Variants in SGIP1 observed in about 807,000 individuals in gnomAD.
SGIP1 encodes SH3-containing GRB2-like protein 3-interacting protein 1.
SGIP1 carries 38 observed loss-of-function variants against 107.5 expected under a neutral mutation model. The ratio of observed to expected loss-of-function variants is 0.35; its 90% confidence interval spans 0.27 to 0.46. SGIP1 has a LOEUF of 0.46. Among genes scored for constraint, SGIP1 ranks in the 20% least tolerant of loss-of-function variants. The pLI is 1.00. For missense variants in SGIP1, 929 were observed against 1,019.5 expected, an observed-to-expected ratio of 0.91 and a Z score of 1.21; for synonymous variants, 365 against 366.1, an observed-to-expected ratio of 1.00 and a Z score of 0.03.
intron 21 of SGIP1, among the ~76,000 whole-genome samples, chr1:66,737,814 TTTG>T (rs1241616310): frequency 6.6e-6 from 1 of 152,226 alleles, no homozygotes; most frequent in Non-Finnish European, 1.5e-5. Context: ...TAGCTGTGTT[TTTG>T]TTGTTGTTTT....
intron 1 of SGIP1, among the ~76,000 whole-genome samples, chr1:66,598,013 C>T (rs1426926072): frequency 6.6e-6 from 1 of 151,934 alleles, no homozygotes; most frequent in East Asian, 1.9e-4. Context: ...ACACAACTGG[C>T]CAGCATGGAG....
chr1:66,654,429 A>C (rs1167828888), intron 7 of SGIP1, among the ~76,000 whole-genome samples: 1 of 152,128 alleles, frequency 6.6e-6, no homozygotes. Context: ...AGTTGTCTTC[A>C]ACCTTGAGGG....
At chr1:66,740,836 C>A (rs2094426578) in intron 23 of SGIP1, 114 bp downstream of exon 23, 2 of 677,018 alleles carry the variant, frequency 3.0e-6, no homozygotes, top group African/African-American at 3.7e-5. Flanking sequence ...TATTTCACTC[C>A]ATTTTTGCGT....
intron 1 of SGIP1, among the ~76,000 whole-genome samples, chr1:66,539,660 C>A (rs1418422896): frequency 1.3e-5 from 2 of 152,192 alleles, no homozygotes; most frequent in Non-Finnish European, 2.9e-5. Context: ...ACACTGCCTG[C>A]CTCCTCATGT....
intron 1 of SGIP1, among the ~76,000 whole-genome samples, chr1:66,534,708 A>T (rs1340123998): frequency 6.6e-6 from 1 of 152,246 alleles, no homozygotes; most frequent in Admixed American, 6.5e-5. Context: ...TCCTGGGACT[A>T]CACTGATTAA....
intron 18 of SGIP1, among the ~76,000 whole-genome samples, chr1:66,712,801 G>A (rs2093002109): frequency 1.3e-5 from 2 of 152,110 alleles, no homozygotes; most frequent in African/African-American, 4.8e-5. Context: ...GTACATCTGT[G>A]TGACCTTGCT....
intron 1 of SGIP1, among the ~76,000 whole-genome samples, chr1:66,536,039 T>C (rs2053526551): frequency 6.6e-6 from 1 of 152,246 alleles, no homozygotes; most frequent in African/African-American, 2.4e-5. Flanking sequence ...GTAACGTTTT[T>C]TGATGCTCAT....
chr1:66,719,298 T>C lies in SGIP1; in HGVS notation c.1635T>C (p.Ser545=), dbSNP rs1205044887. ...AAAATTTTTCATTTCATGCAGGTTCTTCCAGGGGACCCAGCCCCCTAACCA... is the reference window on the plus strand; with the variant it reads ...AAAATTTTTCATTTCATGCAGGTTCCTCCAGGGGACCCAGCCCCCTAACCA... ...RGKFYLTFEG[S]SRGPSPLTMG... is the part of the protein sequence containing the mutation. The change falls in exon 19 of 25, where the codon TCT becomes TCC. Residue 545 remains serine (S), a synonymous_variant. Transcript: ENST00000371037. 3.1e-6 allele frequency: 5 copies of C among 1,608,418 alleles called. No homozygotes were observed. In the East Asian group the frequency reaches 8.9e-5, roughly 29 times the overall value.
chr1:66,559,983 G>T, intron 1 of SGIP1, among the ~76,000 whole-genome samples: 1 of 152,060 alleles, frequency 6.6e-6, no homozygotes, highest in East Asian at 1.9e-4. Context: ...ATAACTGAGG[G>T]GAGAGAGAAT....
chr1:66,574,805 C>T lies in SGIP1; in HGVS notation c.10+40437C>T, dbSNP rs76959543. Among the ~76,000 whole-genome samples the T allele has an allele frequency of 9.8e-3, 1,489 of 152,160 alleles. 30 individuals are homozygous for T. Among genetic ancestry groups the T allele is most frequent in the African/African-American group, 0.034 (1,422 of 41,478 alleles). On this transcript the variant is annotated intron_variant, in intron 1 of 24. Coordinates refer to ENST00000371037, the MANE Select transcript of SGIP1 (RefSeq NM_032291.4). ...TTGTAGTCTGTTGCATGTGTGTGCA[C>T]GCACGCACATGTATATGTGTGTATA...
chr1:66,709,246 G>A (rs2092744732), intron 18 of SGIP1, among the ~76,000 whole-genome samples: 1 of 124,130 alleles, frequency 8.1e-6, no homozygotes, highest in Admixed American at 1.1e-4. Flanking sequence ...TGTTCTCATT[G>A]GAGAACTGAC....
chr1:66,749,061 A>G lies in SGIP1; in HGVS notation c.*5966A>G, dbSNP rs1463771455. Among the ~76,000 whole-genome samples, 1 of 152,074 alleles carries G rather than the reference A, an allele frequency of 6.6e-6. No individual in the cohort carries two copies. The highest frequency in any genetic ancestry group is 1.5e-5 in the Non-Finnish European group (1 of 67,914). On this transcript the variant is annotated 3_prime_UTR_variant, in exon 25 of 25. Coordinates refer to ENST00000371037, the MANE Select transcript of SGIP1 (RefSeq NM_032291.4). ...AGAGAATTCCTGTCATTTCAAATGA[A>G]TTGTTATCTATTTTAAATTTCATTA...
intron 19 of SGIP1, among the ~76,000 whole-genome samples, chr1:66,727,830 T>C (rs888827314): frequency 1.3e-5 from 2 of 152,120 alleles, no homozygotes; most frequent in African/African-American, 4.8e-5. Flanking sequence ...GAAGTTATAG[T>C]GAAGCATATT....
Position 66,652,294 on chromosome 1 carries a change from C to T in SGIP1, c.460-8219C>T, listed in dbSNP as rs563027867. On this transcript the variant is annotated intron_variant, in intron 7 of 24. Transcript: ENST00000371037. ...CAATCACCTTCTCAGCTTTGCTTTC[C>T]TTTTCCTTAAGTTCAGAGACTTGTA... is the stretch of plus-strand genomic sequence containing the variant. Among the ~76,000 whole-genome samples the T allele has an allele frequency of 3.0e-4, 45 of 152,222 alleles. 1 individual carries two copies. Among genetic ancestry groups the T allele is most frequent in the Admixed American group, 1.2e-3 (18 of 15,284 alleles).
At chr1:66,649,212 A>G (rs983388471) in intron 7 of SGIP1, among the ~76,000 whole-genome samples, 3 of 152,098 alleles carry the variant, frequency 2.0e-5, no homozygotes, top group Non-Finnish European at 4.4e-5. Context: ...TTCTGAGCCA[A>G]ATCTGATCTG....
intron 1 of SGIP1, among the ~76,000 whole-genome samples, chr1:66,571,495 C>T (rs1014192814): frequency 6.6e-6 from 1 of 151,938 alleles, no homozygotes; most frequent in East Asian, 1.9e-4. Flanking sequence ...TTCAGATGCA[C>T]ATATCTAGAA....
At position 66,695,762 on chromosome 1, in the gene SGIP1, T is replaced by TAAAAC. The variant is rs568547945; in HGVS notation, c.1630+281_1630+285dup. ...TTAATTAACTATGGTCAATTGAAAA[T>TAAAAC]AAAACAAAACAAAACACACCTTTTT... On this transcript the variant is annotated intron_variant, in intron 18 of 24. Transcript: ENST00000371037. Among the ~76,000 whole-genome samples the TAAAAC allele has an allele frequency of 1.2e-4, 18 of 152,276 alleles. 1 individual carries two copies. In the South Asian group the frequency reaches 3.7e-3, roughly 32 times the overall value.
intron 1 of SGIP1, among the ~76,000 whole-genome samples, chr1:66,535,940 G>A (rs1032413284): frequency 6.6e-6 from 1 of 152,168 alleles, no homozygotes; most frequent in Non-Finnish European, 1.5e-5. Flanking sequence ...ATTCTGATTA[G>A]ATTTCAGTGT....
chr1:66,565,145 GTCT>G (rs2148507195), intron 1 of SGIP1, among the ~76,000 whole-genome samples: 1 of 152,068 alleles, frequency 6.6e-6, no homozygotes, highest in East Asian at 1.9e-4. Context: ...TGAGTTCCAT[GTCT>G]GGGGAAAAAC....
Sources: allele counts gnomAD v4.1 joint callset (sites outside exome capture counted in the v4.1 genomes callset), GRCh38; gene constraint gnomAD v4.1.1; transcripts MANE v1.5; gene names NCBI Gene and HGNC (gene_info 2026-07-23, HGNC 2026-07-21).